NAPG: variants seen among roughly 807,000 people sequenced by gnomAD.
NAPG encodes the protein NSF attachment protein gamma, also known as gamma-soluble NSF attachment protein.
A neutral mutation model predicts 48.4 loss-of-function variants in NAPG; 25 were observed. That is an observed-to-expected ratio of 0.52 (90% CI 0.38 to 0.72). NAPG has a LOEUF of 0.72. Among genes scored for constraint, NAPG ranks in the 30% least tolerant of loss-of-function variants. NAPG has a pLI of 0.00. For synonymous variants in NAPG, 139 were observed against 127.2 expected (o/e 1.09, Z -0.62); for missense variants, 359 against 372.5 (o/e 0.96, Z 0.30).
chr18:10,539,957 C>CA lies in NAPG; in HGVS notation c.369-30dup. 6.2e-7 allele frequency: 1 copy of CA among 1,606,176 alleles called. No homozygotes were observed. Among genetic ancestry groups the CA allele is most frequent in the Non-Finnish European group, 8.5e-7 (1 of 1,174,886 alleles). On this transcript the variant is annotated intron_variant, in intron 6 of 11. Coordinates refer to ENST00000322897, the MANE Select transcript of NAPG (RefSeq NM_003826.3). This position sits in a 1 kb window ranked among gnomAD's most constrained non-coding sequence, Gnocchi z 4.7. Reference sequence around the variant, plus strand: ...CCTGAAAAACAAGTTTTCCATTTCTCATATAAGACATGTTTTCTTGTCTGA... The same window carrying CA: ...CCTGAAAAACAAGTTTTCCATTTCTCAATATAAGACATGTTTTCTTGTCTGA...
In NAPG at chr18:10,529,432, T is replaced by G. The variant is rs536424889; in HGVS notation, c.57-1338T>G. Among the ~76,000 whole-genome samples the G allele has an allele frequency of 8.5e-5, 13 of 152,318 alleles. No homozygotes were observed. The East Asian group carries it at 2.1e-3, about 25-fold the overall frequency. On this transcript the variant is annotated intron_variant, in intron 1 of 11. Coordinates refer to ENST00000322897, the MANE Select transcript of NAPG (RefSeq NM_003826.3). ...ACAAACAAGTTTTAGATGCTAAATATGTTGAATAAATTTAATTGGCAAAAA... is the reference window on the plus strand; with the variant it reads ...ACAAACAAGTTTTAGATGCTAAATAGGTTGAATAAATTTAATTGGCAAAAA...
chr18:10,532,688 G>T (rs2031951738), intron 2 of NAPG, 23 bp from the exon 3 acceptor site: 1 of 1,541,472 alleles, frequency 6.5e-7, no homozygotes, highest in Non-Finnish European at 8.8e-7. Context: ...GATGGAAATA[G>T]TCAATTTTTT....
chr18:10,548,412 T>G lies in NAPG; in HGVS notation c.665+34T>G. ...TTGTCTGGGCCCTCTTGACTTGCAG[T>G]GGCGACACCTCTGTGTCTACAACTA... On this transcript the variant is annotated intron_variant, in intron 10 of 11. Coordinates refer to ENST00000322897, the MANE Select transcript of NAPG (RefSeq NM_003826.3). The surrounding 1 kb of genome is among the most constrained non-coding windows in gnomAD (Gnocchi z 4.4). 1 of 1,514,138 alleles carries G rather than the reference T, an allele frequency of 6.6e-7. No homozygotes were observed. The highest frequency in any genetic ancestry group is 9.2e-7 in the Non-Finnish European group (1 of 1,089,458). 93.8% of individuals were successfully genotyped at this position (1,514,138 alleles called of 1,614,324 possible).
Position 10,546,283 on chromosome 18 carries a change from TC to T in NAPG, c.507-42del. The stretch of plus-strand genomic sequence containing the variant: ...TTTCACAGGGGACCTCTGCTATAGA[TC>T]ATTTAGACCTGCTTTTTTTACATTT... On this transcript the variant is annotated intron_variant, in intron 8 of 11. Transcript: ENST00000322897. The surrounding 1 kb of genome is among the most constrained non-coding windows in gnomAD (Gnocchi z 4.0). 1 of 1,315,266 alleles carries T rather than the reference TC, an allele frequency of 7.6e-7. No individual in the cohort carries two copies. The highest frequency in any genetic ancestry group is 1.1e-6 in the Non-Finnish European group (1 of 944,996). 81.5% of individuals were successfully genotyped at this position (1,315,266 alleles called of 1,614,324 possible).
intron 1 of NAPG, 81 bp downstream of exon 1, chr18:10,526,239 C>CCTTTCCCCCGGGGGGGGGG: frequency 1.1e-5 from 4 of 349,038 alleles, no homozygotes; most frequent in Non-Finnish European, 2.3e-5. Context: ...CCGGGGGGGG[C>CCTTTCCCCCGGGGGGGGGG]GGGAGGGAGG....
intron 3 of NAPG, chr18:10,533,129 G>A (rs1433988432): frequency 3.8e-6 from 1 of 264,636 alleles, no homozygotes; most frequent in Non-Finnish European, 7.0e-6. Context: ...GTGAACTACT[G>A]TATCAATTTT....
Position 10,533,540 on chromosome 18 carries a change from T to G in NAPG, c.214T>G (p.Phe72Val). 6.2e-7 allele frequency: 1 copy of G among 1,600,638 alleles called. No individual in the cohort carries two copies. Among genetic ancestry groups the G allele is most frequent in the Non-Finnish European group, 8.5e-7 (1 of 1,174,668 alleles). ...GACTTCGTTACTTCCATTCAGTCTT[T>G]TTCATGCTGCCAAGTAAGTATTCTT... ...AVAHENNRAL[F>V]HAAKAYEQAG... is the part of the protein sequence containing the mutation. The change falls in exon 4 of 12, where the codon TTT becomes GTT. Residue 72 changes from phenylalanine to valine, a missense_variant. By Grantham distance (50) the Phe-to-Val change is conservative (BLOSUM62 -1). Transcript: ENST00000322897.
rs2143129754 is a variant in NAPG, at chr18:10,542,306, A to T, written c.506+1907A>T. On this transcript the variant is annotated intron_variant, in intron 8 of 11. Coordinates refer to ENST00000322897, the MANE Select transcript of NAPG (RefSeq NM_003826.3). This position sits in a 1 kb window ranked among gnomAD's most constrained non-coding sequence, Gnocchi z 4.5. The stretch of plus-strand genomic sequence containing the variant: ...TGCTCAACAAAAATGTTATGGAAAT[A>T]TATTTTTGAAGTGTATTAACAATAT... 6.6e-6 allele frequency among the ~76,000 whole-genome samples: 1 copy of T among 152,186 alleles called. No individual in the cohort carries two copies. The highest frequency in any genetic ancestry group is 6.5e-5 in the Admixed American group (1 of 15,290).
intron 5 of NAPG, among the ~76,000 whole-genome samples, chr18:10,536,580 T>G (rs1567889960): frequency 6.6e-6 from 1 of 152,206 alleles, no homozygotes; most frequent in Non-Finnish European, 1.5e-5. Context: ...AGCTCATCAT[T>G]TTTTATGGAG....
Position 10,526,128 on chromosome 18 carries a change from G to A in NAPG, c.26G>A (p.Gly9Glu), listed in dbSNP as rs1430405406. The A allele has an allele frequency of 6.2e-7, 1 of 1,613,760 alleles. No homozygotes were observed. Residue 9 changes from glycine (G) to glutamate (E), a missense_variant, in exon 1 of 12, where the codon GGG becomes GAG. By Grantham distance (98) the Gly-to-Glu change is moderately conservative. Coordinates refer to ENST00000322897, the MANE Select transcript of NAPG (RefSeq NM_003826.3). Reference protein sequence around the residue: MAAQKINEGLEHLAKAEKY... With the variant: MAAQKINEELEHLAKAEKY... ...ATGGCGGCTCAGAAGATAAACGAGG[G>A]GCTGGAACACCTCGCCAAAGCAGAG...
chr18:10,533,110 T>G (rs1042849724), intron 3 of NAPG: 34 of 289,642 alleles, frequency 1.2e-4, no homozygotes, highest in Middle Eastern at 1.0e-3. Flanking sequence ...GCACAGGTAT[T>G]GAAAACACGT....
At chr18:10,532,510 A>T (rs940178651) in intron 2 of NAPG, among the ~76,000 whole-genome samples, 1 of 152,230 alleles carries the variant, frequency 6.6e-6, no homozygotes, top group African/African-American at 2.4e-5. Context: ...AAAAAGTTTT[A>T]AAAATACTCG....
At chr18:10,549,486 G>A (rs1479233748) in intron 11 of NAPG, among the ~76,000 whole-genome samples, 1 of 152,190 alleles carries the variant, frequency 6.6e-6, no homozygotes, top group Non-Finnish European at 1.5e-5. Flanking sequence ...GAAAATCTGT[G>A]AGGACTAGCT....
chr18:10,536,614 C>T (rs2032038011), intron 5 of NAPG, among the ~76,000 whole-genome samples: 1 of 152,136 alleles, frequency 6.6e-6, no homozygotes. Context: ...GTGGTTGGAC[C>T]TCTTACTCAC....
rs1473082727 is a variant in NAPG, at chr18:10,551,694, C to A, written c.*1474C>A. On this transcript the variant is annotated 3_prime_UTR_variant, in exon 12 of 12. Coordinates refer to ENST00000322897, the MANE Select transcript of NAPG (RefSeq NM_003826.3). ...TAGGTTGCTTAATTTTGCTAGACTT[C>A]CTGAAAACACTAAGGTGGAGTATCA... 1 of 152,124 alleles carries A rather than the reference C, an allele frequency of 6.6e-6. No homozygotes were observed. Among genetic ancestry groups the A allele is most frequent in the Admixed American group, 6.5e-5 (1 of 15,280 alleles). 9.4% of individuals were successfully genotyped at this position (152,124 alleles called of 1,614,324 possible). A position where few individuals can be genotyped will look rare whatever the true frequency, so the allele number is the denominator to read the frequency against.
In NAPG at chr18:10,540,400, G is replaced by GT; in HGVS notation, c.506+2dup. 6.2e-7 allele frequency: 1 copy of GT among 1,611,694 alleles called. No individual in the cohort carries two copies. Among genetic ancestry groups the GT allele is most frequent in the East Asian group, 2.2e-5 (1 of 44,860 alleles). ...CCAGACTACTAGTACGAGGACGTAG[G>GT]TATGTCTTTAAAAACTATTGCTGTG... On this transcript the variant is annotated splice_donor_variant, in intron 8 of 11. Transcript: ENST00000322897. LOFTEE classifies it high-confidence loss of function.
intron 1 of NAPG, among the ~76,000 whole-genome samples, chr18:10,528,092 A>G (rs1001175320): frequency 6.6e-6 from 1 of 152,214 alleles, no homozygotes; most frequent in Non-Finnish European, 1.5e-5. Context: ...AGGCTGAGGC[A>G]GGAGAATCCC....
intron 1 of NAPG, 80 bp downstream of exon 1, chr18:10,526,238 G>GCCTTCCCC: frequency 1.2e-6 from 1 of 858,066 alleles, no homozygotes; most frequent in Non-Finnish European, 1.9e-6. Flanking sequence ...CCCGGGGGGG[G>GCCTTCCCC]CGGGAGGGAG....
intron 5 of NAPG, among the ~76,000 whole-genome samples, chr18:10,535,943 A>T (rs945764749): frequency 6.6e-6 from 1 of 152,190 alleles, no homozygotes; most frequent in Admixed American, 6.5e-5. Context: ...CTTACGGCCA[A>T]AGAAGCTGGG....
Sources: allele counts gnomAD v4.1 joint callset (sites outside exome capture counted in the v4.1 genomes callset), GRCh38; gene constraint gnomAD v4.1.1; non-coding constraint Gnocchi (gnomAD v3.1); transcripts MANE v1.5; gene names NCBI Gene and HGNC (gene_info 2026-07-23, HGNC 2026-07-21).